CHEK1: variants seen among roughly 807,000 people sequenced by gnomAD.
The protein encoded by CHEK1 is serine/threonine-protein kinase Chk1.
A neutral mutation model predicts 60.2 loss-of-function variants in CHEK1; 32 were observed. That is an observed-to-expected ratio of 0.53 (90% CI 0.40 to 0.71). The LOEUF is 0.71. Among genes scored for constraint, CHEK1 ranks in the 30% least tolerant of loss-of-function variants. The pLI, the probability that CHEK1 is intolerant of heterozygous loss-of-function variation, is 0.00. For synonymous variants in CHEK1, 179 were observed against 187.2 expected (o/e 0.96, Z 0.36); for missense variants, 399 against 564.6 (o/e 0.71, Z 2.97).
intron 8 of CHEK1, among the ~76,000 whole-genome samples, chr11:125,638,527 C>T (rs1039144750): frequency 7.2e-5 from 11 of 152,114 alleles, no homozygotes; most frequent in African/African-American, 2.7e-4. Flanking sequence ...TTTAAACATT[C>T]ACTCTTCTTT....
downstream of CHEK1, chr11:125,680,830 A>G (rs774493160): frequency 2.4e-4 from 358 of 1,501,024 alleles, no homozygotes; most frequent in Non-Finnish European, 3.1e-4. Context: ...GCTTCTTCAC[A>G]GAGCTATGAA....
At position 125,625,958 on chromosome 11, in the gene CHEK1, TG is replaced by T. The variant is rs1393106562; in HGVS notation, c.-73del. On this transcript the variant is annotated 5_prime_UTR_variant, in exon 1 of 13. Coordinates refer to ENST00000438015, the MANE Select transcript of CHEK1 (RefSeq NM_001114122.3). Reference sequence around the variant, plus strand: ...GCGGCAGCGTGACGCCCTCAAGTTTTGGCGGGAAAAGCGCTGCATTTGGATT... The same window carrying T: ...GCGGCAGCGTGACGCCCTCAAGTTTTGCGGGAAAAGCGCTGCATTTGGATT... 1 of 702,622 alleles carries T rather than the reference TG, an allele frequency of 1.4e-6. No individual in the cohort carries two copies. The highest frequency in any genetic ancestry group is 2.6e-6 in the Non-Finnish European group (1 of 384,998). 43.5% of individuals were successfully genotyped at this position (702,622 alleles called of 1,614,324 possible).
chr11:125,663,133 G>GAA (rs151228366), intron 13 of CHEK1, among the ~76,000 whole-genome samples: 39 of 142,190 alleles, frequency 2.7e-4, no homozygotes, highest in African/African-American at 8.7e-4. Context: ...TGTCATTTGT[G>GAA]AAAAAAAAAA....
downstream of CHEK1, among the ~76,000 whole-genome samples, chr11:125,679,817 G>A (rs777131880): frequency 3.3e-5 from 5 of 152,120 alleles, no homozygotes; most frequent in Non-Finnish European, 7.4e-5. Flanking sequence ...AAATGACTAG[G>A]GTGAGAATAT....
intron 8 of CHEK1, among the ~76,000 whole-genome samples, chr11:125,639,882 A>G (rs1333478609): frequency 6.6e-6 from 1 of 151,916 alleles, no homozygotes; most frequent in East Asian, 1.9e-4. Flanking sequence ...TCTCTTACCC[A>G]CTCAATGACT....
In CHEK1 at chr11:125,647,930, C is replaced by T. The variant is rs548844157; in HGVS notation, c.1233+3287C>T. ...ACCTGAAAAGTTTTGGAGTTTGGAA[C>T]ATTTTGGATTTCAGATTTGAGATTA... On this transcript the variant is annotated intron_variant, in intron 11 of 12. Coordinates refer to ENST00000438015, the MANE Select transcript of CHEK1 (RefSeq NM_001114122.3). 1.9e-4 allele frequency among the ~76,000 whole-genome samples: 29 copies of T among 152,266 alleles called. 1 individual carries two copies. The highest frequency in any genetic ancestry group is 6.5e-4 in the African/African-American group (27 of 41,556).
Position 125,667,428 on chromosome 11 carries a change from C to A in CHEK1, c.*28-8500C>A, listed in dbSNP as rs141291719. On this transcript the variant is annotated intron_variant, in intron 13 of 13. Coordinates refer to the CHEK1 transcript ENST00000428830. ...CTCTTGAATTGGTTCTCAGCTGGAA[C>A]ACTATTGGTTTATAAAAATGCTAGT... 2.7e-3 allele frequency among the ~76,000 whole-genome samples: 407 copies of A among 152,216 alleles called. 1 individual carries two copies. The highest frequency in any genetic ancestry group is 8.9e-3 in the African/African-American group (368 of 41,532).
At chr11:125,677,979 A>G (rs773935296), downstream of CHEK1, 1 of 1,612,268 alleles carries the variant, frequency 6.2e-7, no homozygotes, top group Non-Finnish European at 8.5e-7. Context: ...TTCTCCGGAG[A>G]GGTGTTCACC....
chr11:125,633,173 A>T lies in CHEK1; in HGVS notation c.435A>T (p.Lys145Asn), dbSNP rs760469704. ...TTTCTTTTGGTTTAGATAACCTCAAAATCTCAGACTTTGGCTTGGCAACAG... is the reference window on the plus strand; with the variant it reads ...TTTCTTTTGGTTTAGATAACCTCAATATCTCAGACTTTGGCTTGGCAACAG... ...NLLLDERDNL[K>N]ISDFGLATVF... Residue 145 changes from lysine (K) to asparagine (N), a missense_variant, in exon 6 of 13, where the codon AAA (lysine) becomes AAT (asparagine). This residue lies in a region of CHEK1 where 370 missense variants were observed against 494.8 expected (regional missense o/e 0.75). Coordinates refer to ENST00000438015, the MANE Select transcript of CHEK1 (RefSeq NM_001114122.3). 6.3e-7 allele frequency: 1 copy of T among 1,582,558 alleles called. No homozygotes were observed. Among genetic ancestry groups the T allele is most frequent in the East Asian group, 2.3e-5 (1 of 43,424 alleles).
chr11:125,638,775 C>G (rs1941169860), intron 8 of CHEK1, among the ~76,000 whole-genome samples: 1 of 152,150 alleles, frequency 6.6e-6, no homozygotes, highest in South Asian at 2.1e-4. Context: ...CTATCACAGT[C>G]TGCAAAATGA....
At chr11:125,674,712 A>G (rs1258443274) in intron 13 of CHEK1, among the ~76,000 whole-genome samples, 3 of 152,216 alleles carry the variant, frequency 2.0e-5, no homozygotes, top group South Asian at 2.1e-4. Context: ...GCCTTTTCCT[A>G]GTAACAGGTC....
chr11:125,678,339 A>T, downstream of CHEK1: 1 of 1,594,994 alleles, frequency 6.3e-7, no homozygotes. Flanking sequence ...TGAAGCTGAC[A>T]GAATGGGATA....
chr11:125,656,700 G>T lies in CHEK1; in HGVS notation c.*1380G>T, dbSNP rs763049367. The T allele has an allele frequency of 1.9e-5, 4 of 214,776 alleles. No individual in the cohort carries two copies. Among genetic ancestry groups the T allele is most frequent in the Non-Finnish European group, 3.8e-5 (4 of 106,448 alleles). 13.3% of individuals were successfully genotyped at this position (214,776 alleles called of 1,614,324 possible). On this transcript the variant is annotated 3_prime_UTR_variant, in exon 13 of 13. Coordinates refer to ENST00000438015, the MANE Select transcript of CHEK1 (RefSeq NM_001114122.3). ...ACCTGCTTTACATTTCCACTTGAAT[G>T]TCTAGTAGGCATCTCTTGACCAAAA...
At chr11:125,626,608 G>A (rs778258987) in intron 1 of CHEK1, 141 bp from the exon 2 acceptor site, 1 of 693,332 alleles carries the variant, frequency 1.4e-6, no homozygotes, top group East Asian at 2.6e-5. Flanking sequence ...GTGGTTGAAA[G>A]ACTTGGATAA....
intron 7 of CHEK1, 67 bp from the exon 8 acceptor site, chr11:125,637,382 T>C (rs3731422): frequency 0.062 from 79,186 of 1,276,316 alleles, 2,746 homozygotes; most frequent in Middle Eastern, 0.1. Flanking sequence ...AATGTGTTTC[T>C]TACCTCAAGC....
In CHEK1 at chr11:125,653,296, C is replaced by T. The variant is rs1322498702; in HGVS notation, c.1234-450C>T. Among the ~76,000 whole-genome samples, 1 of 152,200 alleles carries T rather than the reference C, an allele frequency of 6.6e-6. No individual in the cohort carries two copies. The highest frequency in any genetic ancestry group is 1.5e-5 in the Non-Finnish European group (1 of 68,038). ...GTGGCGCAATCATAGCTCACTGCAG[C>T]TTCAACCTCCTGGGCTCAAGTGACC... On this transcript the variant is annotated intron_variant, in intron 11 of 12. Coordinates refer to ENST00000438015, the MANE Select transcript of CHEK1 (RefSeq NM_001114122.3). This position sits in a 1 kb window ranked among gnomAD's most constrained non-coding sequence, Gnocchi z 4.3.
At chr11:125,665,397 G>A (rs756606808) in intron 13 of CHEK1, among the ~76,000 whole-genome samples, 10 of 151,590 alleles carry the variant, frequency 6.6e-5, no homozygotes, top group Non-Finnish European at 1.5e-4. Context: ...TTTTGTTGAC[G>A]GTTTTTGCAT....
Position 125,626,137 on chromosome 11 carries a change from C to T in CHEK1, c.-21+125C>T, listed in dbSNP as rs552565348. ...CTAGCGCAGGGGATTGGAGAGACTC[C>T]TGCGGAGGGGCGGTTTCGGAGGGTG... On this transcript the variant is annotated intron_variant, in intron 1 of 12. Coordinates refer to ENST00000438015, the MANE Select transcript of CHEK1 (RefSeq NM_001114122.3). 8.3e-5 allele frequency: 51 copies of T among 614,852 alleles called. No individual in the cohort carries two copies. In the South Asian group the frequency reaches 8.8e-4, roughly 11 times the overall value. 38.1% of individuals were successfully genotyped at this position (614,852 alleles called of 1,614,324 possible).
At chr11:125,632,001 TTTAAG>T (rs1940885103) in intron 5 of CHEK1, among the ~76,000 whole-genome samples, 1 of 152,070 alleles carries the variant, frequency 6.6e-6, no homozygotes, top group African/African-American at 2.4e-5. Context: ...TTTTGAGACA[TTTAAG>T]TTGTTTCTAA....
Sources: gnomAD v4.1 joint callset for allele counts (sites outside exome capture counted in the v4.1 genomes callset) on GRCh38, gnomAD v4.1.1 for gene constraint, gnomAD v4.1.1 regional missense constraint, Gnocchi (gnomAD v3.1) non-coding constraint, MANE v1.5 for transcripts, NCBI Gene and HGNC (gene_info 2026-07-23, HGNC 2026-07-21) for gene names.